OPRPN: variants seen among roughly 807,000 people sequenced by gnomAD.
The protein encoded by OPRPN is opiorphin prepropeptide.
OPRPN carries 1 observed loss-of-function variant against 2.2 expected under a neutral mutation model. The observed-to-expected ratio is 0.45, with a 90% confidence interval of 0.16 to 2.15. The LOEUF (loss-of-function observed/expected upper bound fraction) is 2.15, where lower values mean the gene tolerates loss of function less well. Ranked by LOEUF, OPRPN falls within the 30% of genes most tolerant of loss-of-function variation. OPRPN has a pLI of 0.28. For synonymous variants in OPRPN, 126 were observed against 111.5 expected (o/e 1.13, Z -0.82); for missense variants, 306 against 297.3 (o/e 1.03, Z -0.21).
intron 2 of OPRPN, 31 bp downstream of exon 2, chr4:70,399,367 T>A: frequency 1.3e-6 from 2 of 1,530,204 alleles, no homozygotes; most frequent in Non-Finnish European, 1.8e-6. Flanking sequence ...ATTTACTTGT[T>A]ATATTTATTG....
At chr4:70,408,799 A>G (rs1446673536) in intron 2 of OPRPN, among the ~76,000 whole-genome samples, 9 of 152,176 alleles carry the variant, frequency 5.9e-5, no homozygotes, top group Admixed American at 5.9e-4. Flanking sequence ...CCAACATACT[A>G]TACTAGCTCC....
At chr4:70,407,085 G>A (rs1193674112) in intron 2 of OPRPN, among the ~76,000 whole-genome samples, 3 of 152,194 alleles carry the variant, frequency 2.0e-5, no homozygotes, top group Non-Finnish European at 2.9e-5. Flanking sequence ...CAGTCCCTGT[G>A]TCCTTATAGC....
intron 2 of OPRPN, among the ~76,000 whole-genome samples, chr4:70,405,822 G>C (rs1467092780): frequency 1.3e-5 from 2 of 152,074 alleles, no homozygotes; most frequent in African/African-American, 4.8e-5. Flanking sequence ...CCCGCATTTT[G>C]GGAGGCCAAG....
chr4:70,409,832 C>T lies in OPRPN; in HGVS notation c.504C>T (p.Ser168=). The stretch of plus-strand genomic sequence containing the variant: ...CTGCAACAGCAACCACCAGCACTTC[C>T]ACAAAACCCACAATGACGATCAGCT... The part of the protein sequence containing the change: ...PTTATATTST[S]TKPTMTISSS... Residue 168 remains serine, a synonymous_variant, in exon 3 of 3, where the codon TCC becomes TCT. Transcript: ENST00000399575. The T allele has an allele frequency of 1.2e-6, 2 of 1,612,582 alleles. No homozygotes were observed. Among genetic ancestry groups the T allele is most frequent in the Non-Finnish European group, 1.7e-6 (2 of 1,179,060 alleles).
intron 2 of OPRPN, among the ~76,000 whole-genome samples, chr4:70,400,935 G>A (rs899113651): frequency 1.3e-5 from 2 of 151,968 alleles, no homozygotes; most frequent in Non-Finnish European, 1.5e-5. Context: ...TTGGGGAAAT[G>A]AAATAGAGGT....
Position 70,410,010 on chromosome 4 carries a change from C to A in OPRPN, c.682C>A (p.Gln228Lys), listed in dbSNP as rs1163767161. 2 of 1,610,560 alleles carry A rather than the reference C, an allele frequency of 1.2e-6. No individual in the cohort carries two copies. The highest frequency in any genetic ancestry group is 8.5e-7 in the Non-Finnish European group (1 of 1,178,842). ...CACTGTCCAAGTTACGACTTCCAAC[C>A]AAACTATATTAAGCAGCCCAGCCTT... ...NATVQVTTSN[Q>K]TILSSPAFKS... is the part of the protein sequence containing the mutation. The change falls in exon 3 of 3, where the codon CAA becomes AAA. Residue 228 changes from glutamine (Q) to lysine (K), a missense_variant. Coordinates refer to ENST00000399575, the MANE Select transcript of OPRPN (RefSeq NM_021225.5).
intron 2 of OPRPN, among the ~76,000 whole-genome samples, chr4:70,400,667 T>C (rs1732957943): frequency 6.6e-6 from 1 of 151,974 alleles, no homozygotes; most frequent in South Asian, 2.1e-4. Flanking sequence ...CAAGCTATTA[T>C]GTTATAATTG....
intron 2 of OPRPN, among the ~76,000 whole-genome samples, chr4:70,405,753 A>G (rs1437418888): frequency 6.6e-6 from 1 of 152,152 alleles, no homozygotes; most frequent in African/African-American, 2.4e-5. Context: ...GTCCACATTC[A>G]TTTATTCAAA....
In OPRPN at chr4:70,409,594, C is replaced by T; in HGVS notation, c.266C>T (p.Pro89Leu). 2 of 1,613,758 alleles carry T rather than the reference C, an allele frequency of 1.2e-6. No individual in the cohort carries two copies. Among genetic ancestry groups the T allele is most frequent in the Non-Finnish European group, 1.7e-6 (2 of 1,179,678 alleles). The stretch of plus-strand genomic sequence containing the variant: ...GCAGTCATTCTATCTCAACTCTTTC[C>T]ATTGGAATCTATTAGACAACCTCGA... Reference protein sequence around the residue: ...SQAVILSQLFPLESIRQPRLF... With the variant: ...SQAVILSQLFLLESIRQPRLF... Residue 89 changes from proline (P) to leucine (L), a missense_variant, in exon 3 of 3, where the codon CCA becomes CTA. Pro to Leu is a moderately conservative substitution (Grantham distance 98). Coordinates refer to ENST00000399575, the MANE Select transcript of OPRPN (RefSeq NM_021225.5).
chr4:70,405,214 A>G (rs1256281411), intron 2 of OPRPN, among the ~76,000 whole-genome samples: 6 of 152,190 alleles, frequency 3.9e-5, no homozygotes, highest in East Asian at 1.9e-4. Context: ...AGGCATTTTC[A>G]TCATTTGTCT....
At chr4:70,405,292 G>C (rs561027719) in intron 2 of OPRPN, among the ~76,000 whole-genome samples, 13 of 152,284 alleles carry the variant, frequency 8.5e-5, no homozygotes, top group Non-Finnish European at 1.5e-4. Context: ...ATTGTATTAA[G>C]AGAATAGGAA....
chr4:70,406,630 T>C (rs934435903), intron 2 of OPRPN, among the ~76,000 whole-genome samples: 1 of 152,128 alleles, frequency 6.6e-6, no homozygotes, highest in African/African-American at 2.4e-5. Context: ...GAGGAACTGC[T>C]TTTATGAAGG....
chr4:70,399,277 C>T lies in OPRPN; in HGVS notation c.-9C>T. 6.2e-7 allele frequency: 1 copy of T among 1,600,470 alleles called. No homozygotes were observed. Among genetic ancestry groups the T allele is most frequent in the Non-Finnish European group, 8.5e-7 (1 of 1,169,820 alleles). ...ATCTTTGGCCTGTTTGTAGGAGCAACTTTAAAGAATGAAATTAACTTTCTT... is the reference window on the plus strand; with the variant it reads ...ATCTTTGGCCTGTTTGTAGGAGCAATTTTAAAGAATGAAATTAACTTTCTT... On this transcript the variant is annotated 5_prime_UTR_variant, in exon 2 of 3. Coordinates refer to ENST00000399575, the MANE Select transcript of OPRPN (RefSeq NM_021225.5).
In OPRPN at chr4:70,409,935, A is replaced by T. The variant is rs755587676; in HGVS notation, c.607A>T (p.Asn203Tyr). ...AGCAACCCCCGCAGCATCTACTGAA[A>T]ATACTACTCAAATTCTCGCCAACCG... is the stretch of plus-strand genomic sequence containing the variant. ...SAATPAASTENTTQILANRPH... is the reference protein window; with the variant it reads ...SAATPAASTEYTTQILANRPH... The change falls in exon 3 of 3, where the codon AAT (asparagine) becomes TAT (tyrosine). Residue 203 changes from asparagine (N) to tyrosine (Y), a missense_variant. Coordinates refer to ENST00000399575, the MANE Select transcript of OPRPN (RefSeq NM_021225.5). The T allele has an allele frequency of 1.1e-4, 178 of 1,613,922 alleles. No homozygotes were observed. Among genetic ancestry groups the T allele is most frequent in the Non-Finnish European group, 1.5e-4 (173 of 1,179,964 alleles).
At chr4:70,406,618 T>C (rs924066075) in intron 2 of OPRPN, among the ~76,000 whole-genome samples, 1 of 152,118 alleles carries the variant, frequency 6.6e-6, no homozygotes, top group Non-Finnish European at 1.5e-5. Flanking sequence ...CATTCTCAGC[T>C]AGAGGAACTG....
chr4:70,404,746 T>C lies in OPRPN; in HGVS notation c.52-4634T>C, dbSNP rs909832025. On this transcript the variant is annotated intron_variant, in intron 2 of 2. Coordinates refer to ENST00000399575, the MANE Select transcript of OPRPN (RefSeq NM_021225.5). The stretch of plus-strand genomic sequence containing the variant: ...CTTAGAAGGCGGGGATACAAAGTCC[T>C]TACCCCTACCTACAAGACCCTGCTT... Among the ~76,000 whole-genome samples the C allele has an allele frequency of 3.9e-5, 6 of 152,318 alleles. No individual in the cohort carries two copies. In the South Asian group the frequency reaches 8.3e-4, roughly 21 times the overall value.
intron 2 of OPRPN, among the ~76,000 whole-genome samples, chr4:70,404,730 CG>C (rs756285278): frequency 1.4e-4 from 22 of 152,264 alleles, no homozygotes; most frequent in Non-Finnish European, 2.6e-4. Flanking sequence ...ACTTAGAAGG[CG>C]GGGATACAAA....
intron 2 of OPRPN, among the ~76,000 whole-genome samples, chr4:70,407,596 C>A (rs1338545595): frequency 6.6e-6 from 1 of 152,154 alleles, no homozygotes; most frequent in African/African-American, 2.4e-5. Context: ...TCTAAACCAG[C>A]CTTCCTTACT....
At chr4:70,399,090 C>A (rs1242208711) in intron 1 of OPRPN, among the ~76,000 whole-genome samples, 181 bp from the exon 2 acceptor site, 1 of 151,696 alleles carries the variant, frequency 6.6e-6, no homozygotes, top group Non-Finnish European at 1.5e-5. Context: ...ACAAACATGA[C>A]AGTATTGCTG....
Sources: gnomAD v4.1 joint callset for allele counts (sites outside exome capture counted in the v4.1 genomes callset) on GRCh38, gnomAD v4.1.1 for gene constraint, MANE v1.5 for transcripts, NCBI Gene and HGNC (gene_info 2026-07-23, HGNC 2026-07-21) for gene names.